The following SPEF2 variants were observed in gnomAD, a reference collection of about 807,000 sequenced individuals.
The protein encoded by SPEF2 is sperm flagellar and cilia associated 2, also known as sperm flagella and cilia-associated protein 2.
A neutral mutation model predicts 224.6 loss-of-function variants in SPEF2; 187 were observed. That is an observed-to-expected ratio of 0.83 (90% CI 0.74 to 0.94). SPEF2 has a LOEUF of 0.94. Among genes scored for constraint, SPEF2 ranks in the 40% least tolerant of loss-of-function variants. The pLI, the probability that SPEF2 is intolerant of heterozygous loss-of-function variation, is 0.00. For synonymous variants in SPEF2, 715 were observed against 707.3 expected (o/e 1.01, Z -0.17); for missense variants, 2,170 against 2,135.6 (o/e 1.02, Z -0.32).
chr5:35,641,489 G>C lies in SPEF2; in HGVS notation c.220G>C (p.Gly74Arg), dbSNP rs34307272. The C allele has an allele frequency of 1.2e-6, 2 of 1,613,556 alleles. No individual in the cohort carries two copies. Among genetic ancestry groups the C allele is most frequent in the Non-Finnish European group, 1.7e-6 (2 of 1,179,822 alleles). ...CTTGGAGCCAACACTTAACCTTCTG[G>C]GTGTGCAGTTTGATCAGAATGTGGC... ...SRLEPTLNLL[G>R]VQFDQNVAHG... Residue 74 changes from glycine to arginine, a missense_variant, in exon 3 of 37, where the codon GGT becomes CGT. Transcript: ENST00000356031.
Position 35,814,486 on chromosome 5 carries a change from G to C in SPEF2, c.5402G>C (p.Arg1801Thr). The change falls in exon 37 of 37, where the codon AGG becomes ACG. Residue 1801 changes from arginine (R) to threonine (T), a missense_variant. Physicochemically the swap from Arg to Thr is moderately conservative, Grantham distance 71 (BLOSUM62 -1). Coordinates refer to ENST00000356031, the MANE Select transcript of SPEF2 (RefSeq NM_024867.4). ...TAGGATATTAAAATAATTCTCCAAAGGAGTGAACATGTACAAGGAAGTGAT... is the reference window on the plus strand; with the variant it reads ...TAGGATATTAAAATAATTCTCCAAACGAGTGAACATGTACAAGGAAGTGAT... ...KFPDIKIILQ[R>T]SEHVQGSDGE... The C allele has an allele frequency of 6.2e-7, 1 of 1,604,344 alleles. No individual in the cohort carries two copies. Among genetic ancestry groups the C allele is most frequent in the Non-Finnish European group, 8.5e-7 (1 of 1,174,422 alleles).
At chr5:35,718,168 A>G (rs1037799833) in intron 20 of SPEF2, among the ~76,000 whole-genome samples, 1 of 152,200 alleles carries the variant, frequency 6.6e-6, no homozygotes, top group South Asian at 2.1e-4. Flanking sequence ...ACTGGTTAAA[A>G]AAACTCTACT....
chr5:35,795,007 C>T (rs1358403172), intron 32 of SPEF2, among the ~76,000 whole-genome samples: 7 of 151,976 alleles, frequency 4.6e-5, no homozygotes, highest in Admixed American at 3.9e-4. Flanking sequence ...AGCTCATTGC[C>T]CCTCCCCCCA....
chr5:35,743,347 C>T (rs1413233828), intron 23 of SPEF2, among the ~76,000 whole-genome samples: 2 of 151,868 alleles, frequency 1.3e-5, no homozygotes, highest in Non-Finnish European at 2.9e-5. Context: ...GGCAGAGAAA[C>T]CTCTAGAAAG....
intron 5 of SPEF2, among the ~76,000 whole-genome samples, chr5:35,647,833 C>A (rs1317503760): frequency 2.0e-5 from 3 of 152,170 alleles, no homozygotes; most frequent in African/African-American, 7.2e-5. Flanking sequence ...ATTTAAGATA[C>A]CTGTACCAGT....
chr5:35,679,912 G>A (rs1451092550), intron 10 of SPEF2, among the ~76,000 whole-genome samples: 3 of 152,078 alleles, frequency 2.0e-5, no homozygotes, highest in Admixed American at 1.3e-4. Context: ...ACAACCATAG[G>A]ATTTTTGGTA....
At chr5:35,807,855 C>T in intron 36 of SPEF2, 4 of 1,504,494 alleles carry the variant, frequency 2.7e-6, no homozygotes, top group Non-Finnish European at 3.5e-6. Flanking sequence ...TATGGCGAGT[C>T]CCAGGCCTTT....
intron 33 of SPEF2, 35 bp downstream of exon 33, chr5:35,795,830 T>C: frequency 6.6e-7 from 1 of 1,519,408 alleles, no homozygotes; most frequent in East Asian, 2.2e-5. Flanking sequence ...TGTGGCATTA[T>C]AGCACTAATC....
At chr5:35,730,891 G>A (rs893516191) in intron 21 of SPEF2, among the ~76,000 whole-genome samples, 1 of 152,108 alleles carries the variant, frequency 6.6e-6, no homozygotes, top group African/African-American at 2.4e-5. Flanking sequence ...TTAAAATCCC[G>A]ATTATGTACC....
intron 30 of SPEF2, chr5:35,788,819 T>C (rs1395237379): frequency 1.4e-6 from 1 of 702,964 alleles, no homozygotes; most frequent in South Asian, 1.5e-5. Context: ...CATTCCTCTG[T>C]ACAATGATGT....
intron 20 of SPEF2, among the ~76,000 whole-genome samples, chr5:35,722,010 G>T (rs1330853916): frequency 1.3e-5 from 2 of 151,992 alleles, no homozygotes; most frequent in South Asian, 4.2e-4. Context: ...CAGAAAATAT[G>T]AACAGTATTA....
At chr5:35,637,558 A>T (rs1012441602) in intron 2 of SPEF2, among the ~76,000 whole-genome samples, 9 of 152,200 alleles carry the variant, frequency 5.9e-5, no homozygotes. Flanking sequence ...CTAGTTGTAC[A>T]TATAGCAACT....
At chr5:35,779,062 A>G (rs1753972613) in intron 29 of SPEF2, 55 bp from the exon 30 acceptor site, 4 of 1,351,212 alleles carry the variant, frequency 3.0e-6, no homozygotes, top group Non-Finnish European at 4.1e-6. Flanking sequence ...AGCAAACTTT[A>G]TTAATCTAAT....
rs1262891129 is a variant in SPEF2, at chr5:35,644,502, CA to C, written c.565del (p.Arg189AspfsTer10). The C allele has an allele frequency of 6.2e-7, 1 of 1,602,466 alleles. No homozygotes were observed. Among genetic ancestry groups the C allele is most frequent in the Non-Finnish European group, 8.5e-7 (1 of 1,176,558 alleles). ...AAGATTTCAAAAACTCAAGGAAGAG[CA>C]AAGATGTTTTGATATTGAAAAGGTT... ...LERFQKLKEE[Q>X]RCFDIEKQYL... On this transcript the variant is annotated frameshift_variant, in exon 4 of 37. Coordinates refer to ENST00000356031, the MANE Select transcript of SPEF2 (RefSeq NM_024867.4). LOFTEE classifies it high-confidence loss of function.
chr5:35,791,832 T>C lies in SPEF2; in HGVS notation c.4448-508T>C, dbSNP rs1367403226. ...CACTTTCAATCCAGTAATTTAACAGTTCAAATTTCTCTAGATTTACAAAAG... is the reference window on the plus strand; with the variant it reads ...CACTTTCAATCCAGTAATTTAACAGCTCAAATTTCTCTAGATTTACAAAAG... On this transcript the variant is annotated intron_variant, in intron 30 of 36. Transcript: ENST00000356031. Among the ~76,000 whole-genome samples, 3 of 152,188 alleles carry C rather than the reference T, an allele frequency of 2.0e-5. 1 individual carries two copies. Among genetic ancestry groups the C allele is most frequent in the Middle Eastern group, 6.8e-3 (2 of 294 alleles).
intron 28 of SPEF2, among the ~76,000 whole-genome samples, chr5:35,774,791 A>G (rs1753377310): frequency 6.6e-6 from 1 of 151,956 alleles, no homozygotes; most frequent in South Asian, 2.1e-4. Context: ...TGTTTCTCTC[A>G]TTTTCTCTCC....
chr5:35,653,662 T>G (rs1471527708), intron 6 of SPEF2, among the ~76,000 whole-genome samples: 1 of 151,914 alleles, frequency 6.6e-6, no homozygotes, highest in Non-Finnish European at 1.5e-5. Context: ...TCATAAAAAG[T>G]AAGGCCGGGC....
At chr5:35,807,415 G>T (rs1451481716) in intron 36 of SPEF2, among the ~76,000 whole-genome samples, 162 bp downstream of exon 36, 1 of 152,170 alleles carries the variant, frequency 6.6e-6, no homozygotes, top group African/African-American at 2.4e-5. Context: ...AGGCCAGAAA[G>T]GTCAGCCTGA....
intron 21 of SPEF2, among the ~76,000 whole-genome samples, chr5:35,731,948 G>C (rs904566026): frequency 6.6e-5 from 10 of 152,166 alleles, no homozygotes; most frequent in Non-Finnish European, 1.5e-4. Context: ...CAGAAAACTA[G>C]ATGCAGGCAA....
Sources: gnomAD v4.1 joint callset for allele counts (sites outside exome capture counted in the v4.1 genomes callset) on GRCh38, gnomAD v4.1.1 for gene constraint, MANE v1.5 for transcripts, NCBI Gene and HGNC (gene_info 2026-07-23, HGNC 2026-07-21) for gene names.